The following DARS1 variants were observed in gnomAD, a reference collection of about 807,000 sequenced individuals.
DARS1 encodes aspartyl-tRNA synthetase 1.
A neutral mutation model predicts 68.8 loss-of-function variants in DARS1; 51 were observed. The observed-to-expected ratio is 0.74, with a 90% CI of 0.59 to 0.94. The LOEUF (loss-of-function observed/expected upper bound fraction) is 0.94. DARS1 is among the 40% of genes least tolerant of loss of function. DARS1 has a pLI of 0.00. For synonymous variants in DARS1, 203 were observed against 190.4 expected (o/e 1.07, Z -0.55); for missense variants, 607 against 597.3 (o/e 1.02, Z -0.17).
At chr2:135,980,653 G>C (rs1282887980) in intron 2 of DARS1, 2 of 152,174 alleles carry the variant, frequency 1.3e-5, no homozygotes, top group Non-Finnish European at 2.9e-5. Flanking sequence ...TGTAAACTCA[G>C]GCAAAAGAAA....
intron 5 of DARS1, among the ~76,000 whole-genome samples, chr2:135,942,161 C>T (rs1226579958): frequency 6.6e-6 from 1 of 152,032 alleles, no homozygotes; most frequent in Admixed American, 6.6e-5. Context: ...TGGGTATATA[C>T]CCAAAGGATT....
intron 13 of DARS1, 109 bp from the exon 14 acceptor site, chr2:135,911,602 A>G: frequency 3.1e-6 from 2 of 649,488 alleles, no homozygotes; most frequent in East Asian, 2.6e-5. Context: ...TTTTCCTACA[A>G]TTAACAATGC....
chr2:135,939,010 G>C (rs1291031520), intron 5 of DARS1, among the ~76,000 whole-genome samples: 1 of 152,148 alleles, frequency 6.6e-6, no homozygotes, highest in Non-Finnish European at 1.5e-5. Context: ...GATTCATAAA[G>C]CAAGTCCTTA....
intron 4 of DARS1, among the ~76,000 whole-genome samples, chr2:135,952,142 G>A (rs761652073): frequency 6.6e-6 from 1 of 152,168 alleles, no homozygotes; most frequent in East Asian, 1.9e-4. Context: ...TACCCAGGAG[G>A]CTGACGCAGG....
At chr2:135,934,073 A>G (rs1681413619) in intron 5 of DARS1, 83 bp from the exon 6 acceptor site, 9 of 1,527,498 alleles carry the variant, frequency 5.9e-6, no homozygotes, top group Non-Finnish European at 8.0e-6. Context: ...CAGTTGACTT[A>G]AGCATGAAGC....
Position 135,920,519 on chromosome 2 carries a change from T to C in DARS1, c.893A>G (p.His298Arg), listed in dbSNP as rs544180775. The C allele has an allele frequency of 5.0e-6, 8 of 1,613,808 alleles. No individual in the cohort carries two copies. Among genetic ancestry groups the C allele is most frequent in the African/African-American group, 2.7e-5 (2 of 75,028 alleles). ...GLDIEMAFNY[H>R]YHEVMEEIAD... ...AATTTCTTCCATAACTTCGTGGTAA[T>C]GGTAATTAAAAGCCATTTCAATGTC... The change falls in exon 10 of 16, where the codon CAT becomes CGT. Residue 298 changes from histidine (H) to arginine (R), a missense_variant. By Grantham distance (29) the His-to-Arg change is conservative. Coordinates refer to ENST00000264161, the MANE Select transcript of DARS1 (RefSeq NM_001349.4).
Position 135,907,261 on chromosome 2 carries a change from T to TTTTTTTTTTTTTTTTTTTTG in DARS1, c.*54_*55insCAAAAAAAAAAAAAAAAAAA. On this transcript the variant is annotated 3_prime_UTR_variant, in exon 16 of 16. Transcript: ENST00000264161. Reference sequence around the variant, plus strand: ...GGCTTTCTTTTTTTTTTTTTTTTTTTGAGGCAGGGTCTCGCTCTGTCATCC... The same window carrying TTTTTTTTTTTTTTTTTTTTG: ...GGCTTTCTTTTTTTTTTTTTTTTTTTTTTTTTTTTTTTTTTTTTTGGAGGCAGGGTCTCGCTCTGTCATCC... 4.5e-6 allele frequency: 4 copies of TTTTTTTTTTTTTTTTTTTTG among 889,238 alleles called. No homozygotes were observed. The highest frequency in any genetic ancestry group is 3.7e-5 in the African/African-American group (2 of 53,424). The allele number at this position is 889,238 out of a possible 1,614,324, so 55.1% of individuals were successfully genotyped here.
At chr2:135,958,639 T>G (rs887431250) in intron 4 of DARS1, among the ~76,000 whole-genome samples, 9 of 152,096 alleles carry the variant, frequency 5.9e-5, no homozygotes, top group African/African-American at 2.2e-4. Context: ...CTAAGAAAAT[T>G]ATCTTAACCA....
intron 4 of DARS1, 74 bp from the exon 5 acceptor site, chr2:135,943,554 A>G: frequency 6.4e-7 from 1 of 1,557,706 alleles, no homozygotes; most frequent in Non-Finnish European, 8.6e-7. Context: ...TTTCAGCAGT[A>G]AAGCTGAATA....
At chr2:135,931,330 G>A (rs1308073048) in intron 7 of DARS1, among the ~76,000 whole-genome samples, 1 of 152,090 alleles carries the variant, frequency 6.6e-6, no homozygotes, top group African/African-American at 2.4e-5. Context: ...TCAACCTCCT[G>A]GGCTCAAGCA....
At chr2:135,927,647 G>A (rs541787555) in intron 7 of DARS1, among the ~76,000 whole-genome samples, 1 of 152,212 alleles carries the variant, frequency 6.6e-6, no homozygotes, top group South Asian at 2.1e-4. Flanking sequence ...CTAGGTGTTA[G>A]ATGATAACGG....
intron 4 of DARS1, among the ~76,000 whole-genome samples, chr2:135,945,589 T>C (rs1681702850): frequency 6.6e-6 from 1 of 152,222 alleles, no homozygotes. Context: ...ATGACTCTTT[T>C]AACCCAGGAC....
At chr2:135,912,383 G>A in intron 13 of DARS1, 103 bp downstream of exon 13, 1 of 535,842 alleles carries the variant, frequency 1.9e-6, no homozygotes, top group Non-Finnish European at 3.4e-6. Context: ...TATCAAAACT[G>A]CAAATTATTA....
At chr2:135,919,118 C>T (rs922823772) in intron 10 of DARS1, among the ~76,000 whole-genome samples, 3 of 152,150 alleles carry the variant, frequency 2.0e-5, no homozygotes, top group African/African-American at 7.2e-5. Context: ...GCAACCTCCG[C>T]CTCCTAGGTT....
intron 3 of DARS1, among the ~76,000 whole-genome samples, chr2:135,962,036 C>T (rs1179093388): frequency 6.6e-6 from 1 of 152,174 alleles, no homozygotes; most frequent in Non-Finnish European, 1.5e-5. Flanking sequence ...CAGGCTAGTG[C>T]CTTTCATGTT....
chr2:135,973,059 T>C (rs1404991278), intron 3 of DARS1, among the ~76,000 whole-genome samples: 2 of 152,204 alleles, frequency 1.3e-5, no homozygotes, highest in Non-Finnish European at 2.9e-5. Context: ...GATCCAGCAA[T>C]CCCACTGTTG....
Position 135,907,416 on chromosome 2 carries a change from G to T in DARS1, c.1415-9C>A, listed in dbSNP as rs1201094474. ...AGTAACTCGTTCCAATCCTGGGGAA[G>T]ACAAAAATAATCATTAATTCCTTTT... On this transcript the variant is annotated splice_polypyrimidine_tract_variant and intron_variant, in intron 15 of 15. Transcript: ENST00000264161. 1 of 1,595,394 alleles carries T rather than the reference G, an allele frequency of 6.3e-7. No homozygotes were observed. The highest frequency in any genetic ancestry group is 2.2e-5 in the East Asian group (1 of 44,530).
intron 3 of DARS1, among the ~76,000 whole-genome samples, chr2:135,964,828 A>G (rs1682186464): frequency 2.1e-5 from 3 of 142,424 alleles, no homozygotes; most frequent in African/African-American, 8.0e-5. Context: ...GTAACAGAGC[A>G]AGACTCCACC....
Position 135,907,261 on chromosome 2 carries a change from T to TTTTG in DARS1, c.*54_*55insCAAA. 7 of 889,216 alleles carry TTTTG rather than the reference T, an allele frequency of 7.9e-6. No individual in the cohort carries two copies. The highest frequency in any genetic ancestry group is 1.2e-5 in the Non-Finnish European group (7 of 601,856). 55.1% of individuals were successfully genotyped at this position (889,216 alleles called of 1,614,324 possible). A position where few individuals can be genotyped will look rare whatever the true frequency, so the allele number is the denominator to read the frequency against. ...GGCTTTCTTTTTTTTTTTTTTTTTT[T>TTTTG]GAGGCAGGGTCTCGCTCTGTCATCC... On this transcript the variant is annotated 3_prime_UTR_variant, in exon 16 of 16. Transcript: ENST00000264161.
Sources: allele counts gnomAD v4.1 joint callset (sites outside exome capture counted in the v4.1 genomes callset), GRCh38; gene constraint gnomAD v4.1.1; transcripts MANE v1.5; gene names NCBI Gene and HGNC (gene_info 2026-07-23, HGNC 2026-07-21).